Variants in MACROD2 observed in about 807,000 individuals in gnomAD.
MACROD2 encodes ADP-ribose glycohydrolase MACROD2.
A neutral mutation model predicts 70.4 loss-of-function variants in MACROD2; 36 were observed. That is an observed-to-expected ratio of 0.51 (90% CI 0.39 to 0.68). The LOEUF (loss-of-function observed/expected upper bound fraction) is 0.68. MACROD2 is among the 30% of genes least tolerant of loss of function. The pLI, the probability that MACROD2 is intolerant of heterozygous loss-of-function variation, is 0.00. For missense variants in MACROD2, 496 were observed against 538.4 expected (o/e 0.92, Z 0.78); for synonymous variants, 172 against 178.8 (o/e 0.96, Z 0.30).
At chr20:15,712,986 C>G (rs6110758) in intron 8 of MACROD2, among the ~76,000 whole-genome samples, 8,033 of 152,284 alleles carry the variant, frequency 0.053, 301 homozygotes, top group East Asian at 0.16. Context: ...TATCTGGCCT[C>G]TACCTGGTAC....
intron 2 of MACROD2, among the ~76,000 whole-genome samples, chr20:14,077,894 C>CTTTTTTTTTTTTTTTTT (rs58677755): frequency 8.3e-6 from 1 of 120,502 alleles, no homozygotes; most frequent in Non-Finnish European, 1.8e-5. Context: ...AAAGGTTTTT[C>CTTTTTTTTTTTTTTTTT]TTTTTTTTTT....
At chr20:14,414,538 T>A (rs1274075132) in intron 3 of MACROD2, among the ~76,000 whole-genome samples, 1 of 152,142 alleles carries the variant, frequency 6.6e-6, no homozygotes, top group African/African-American at 2.4e-5. Context: ...GTAGTGCAAA[T>A]ACAGTATTTT....
At chr20:15,316,896 A>C (rs941046335) in intron 6 of MACROD2, among the ~76,000 whole-genome samples, 1 of 152,104 alleles carries the variant, frequency 6.6e-6, no homozygotes, top group African/African-American at 2.4e-5. Flanking sequence ...ACAACAACAA[A>C]AAATACTGGA....
intron 6 of MACROD2, among the ~76,000 whole-genome samples, chr20:15,237,722 G>A (rs1172138888): frequency 6.6e-6 from 1 of 152,094 alleles, no homozygotes; most frequent in Admixed American, 6.5e-5. Flanking sequence ...TGTCTTGCTG[G>A]GGAGCTCTCA....
intron 2 of MACROD2, among the ~76,000 whole-genome samples, chr20:14,032,498 G>A (rs1463767713): frequency 1.3e-5 from 2 of 152,216 alleles, no homozygotes; most frequent in East Asian, 1.9e-4. Flanking sequence ...CCAGTGGGGG[G>A]TAAAGACTAG....
chr20:15,697,805 A>G (rs1001349491), intron 8 of MACROD2, among the ~76,000 whole-genome samples: 8 of 152,230 alleles, frequency 5.3e-5, no homozygotes, highest in African/African-American at 1.9e-4. Context: ...GCCATTATAT[A>G]AAGTCCCTCT....
At chr20:15,271,534 T>C (rs1263279374) in intron 6 of MACROD2, among the ~76,000 whole-genome samples, 1 of 152,174 alleles carries the variant, frequency 6.6e-6, no homozygotes, top group African/African-American at 2.4e-5. Flanking sequence ...CACAGGCACA[T>C]GGTAGGAGCA....
chr20:14,744,881 T>C (rs1289273714), intron 5 of MACROD2, among the ~76,000 whole-genome samples: 1 of 152,124 alleles, frequency 6.6e-6, no homozygotes, highest in African/African-American at 2.4e-5. Context: ...CTGGAAGAAC[T>C]ACTCACTCAA....
At chr20:14,389,178 C>T (rs551164576) in intron 3 of MACROD2, among the ~76,000 whole-genome samples, 4 of 152,100 alleles carry the variant, frequency 2.6e-5, no homozygotes, top group Admixed American at 2.6e-4. Flanking sequence ...CCGCGGCTGG[C>T]CATCGGCCAA....
chr20:14,275,187 A>G (rs1249916543), intron 3 of MACROD2, among the ~76,000 whole-genome samples: 2 of 152,186 alleles, frequency 1.3e-5, no homozygotes, highest in Non-Finnish European at 2.9e-5. Context: ...ATCCTAAGCC[A>G]AACGAACAAA....
intron 5 of MACROD2, among the ~76,000 whole-genome samples, chr20:14,838,748 G>A (rs1020253940): frequency 1.3e-5 from 2 of 152,046 alleles, no homozygotes; most frequent in Non-Finnish European, 2.9e-5. Context: ...TAAGTGGTTT[G>A]TAAGATAAAA....
chr20:14,437,028 T>C (rs2084063862), intron 3 of MACROD2, among the ~76,000 whole-genome samples: 1 of 152,186 alleles, frequency 6.6e-6, no homozygotes, highest in African/African-American at 2.4e-5. Flanking sequence ...GAGGTTTCAA[T>C]TTGGCAGGAC....
chr20:15,424,095 A>G (rs1600392184), intron 6 of MACROD2, among the ~76,000 whole-genome samples: 1 of 151,920 alleles, frequency 6.6e-6, no homozygotes, highest in East Asian at 1.9e-4. Flanking sequence ...CTCATGACCT[A>G]ATCACCTCCC....
intron 5 of MACROD2, among the ~76,000 whole-genome samples, chr20:14,788,421 C>G (rs2072401512): frequency 6.6e-6 from 1 of 151,834 alleles, no homozygotes; most frequent in African/African-American, 2.4e-5. Flanking sequence ...CACATCTCTA[C>G]TAAAAATATA....
chr20:14,880,119 T>G (rs536099353), intron 5 of MACROD2, among the ~76,000 whole-genome samples: 4 of 152,182 alleles, frequency 2.6e-5, no homozygotes, highest in Admixed American at 2.0e-4. Flanking sequence ...AGCTCTGACT[T>G]GAGACGCAGA....
chr20:14,953,601 G>A (rs550446888), intron 5 of MACROD2, among the ~76,000 whole-genome samples: 63 of 152,224 alleles, frequency 4.1e-4, no homozygotes, highest in African/African-American at 1.1e-3. Flanking sequence ...CACCGTGCCC[G>A]GCCTCATTGT....
intron 8 of MACROD2, among the ~76,000 whole-genome samples, chr20:15,556,188 G>T (rs2146596935): frequency 6.6e-6 from 1 of 152,292 alleles, no homozygotes; most frequent in East Asian, 1.9e-4. Flanking sequence ...ACTGTAAACA[G>T]TTTTACCCAT....
chr20:14,984,124 C>A (rs1371603535), intron 5 of MACROD2, among the ~76,000 whole-genome samples: 1 of 152,174 alleles, frequency 6.6e-6, no homozygotes, highest in Non-Finnish European at 1.5e-5. Context: ...CTCTGATAAG[C>A]TGTGATTGGT....
At chr20:15,442,498 T>C (rs535378675) in intron 7 of MACROD2, among the ~76,000 whole-genome samples, 1 of 152,210 alleles carries the variant, frequency 6.6e-6, no homozygotes, top group South Asian at 2.1e-4. Context: ...TTACCCGCCC[T>C]GGTGCTGGCA....
Sources: allele counts gnomAD v4.1 joint callset (sites outside exome capture counted in the v4.1 genomes callset), GRCh38; gene constraint gnomAD v4.1.1; transcripts MANE v1.5; gene names NCBI Gene and HGNC (gene_info 2026-07-23, HGNC 2026-07-21).